The following STXBP4 variants were observed in gnomAD, a reference collection of about 807,000 sequenced individuals.
STXBP4 encodes the protein syntaxin binding protein 4.
A neutral mutation model predicts 76.1 loss-of-function variants in STXBP4; 55 were observed. That is an observed-to-expected ratio of 0.72 (90% confidence interval 0.58 to 0.91). The LOEUF (loss-of-function observed/expected upper bound fraction) is 0.91. Among genes scored for constraint, STXBP4 ranks in the 40% least tolerant of loss-of-function variants. The pLI is 0.00. For synonymous variants in STXBP4, 201 were observed against 220.2 expected (o/e 0.91, Z 0.77); for missense variants, 618 against 636.9 (o/e 0.97, Z 0.32).
intron 8 of STXBP4, among the ~76,000 whole-genome samples, chr17:55,020,595 A>G (rs953319802): frequency 2.0e-5 from 3 of 152,152 alleles, no homozygotes; most frequent in Admixed American, 1.3e-4. Context: ...AGGCAGGCGG[A>G]TCACTTGAGG....
At chr17:55,034,373 G>A (rs1402627349) in intron 10 of STXBP4, 114 bp downstream of exon 10, 3 of 591,796 alleles carry the variant, frequency 5.1e-6, no homozygotes, top group Non-Finnish European at 8.2e-6. Context: ...CATGTTTCTT[G>A]GATAAATATA....
chr17:55,040,428 A>G (rs1171204782), intron 10 of STXBP4, among the ~76,000 whole-genome samples: 2 of 152,294 alleles, frequency 1.3e-5, no homozygotes, highest in East Asian at 3.9e-4. Context: ...AAGGTAATTG[A>G]ATAGGTCTCT....
rs148542984 is a variant in STXBP4 at position 55,033,499 on chromosome 17, C to T, written c.764-669C>T. On this transcript the variant is annotated intron_variant, in intron 9 of 17. Coordinates refer to ENST00000376352, the MANE Select transcript of STXBP4 (RefSeq NM_178509.6). ...AAAGTAGGATATTGTAAAACAGGAA[C>T]AATCAGAGAATATTTAAAAGAATCC... 4.8e-3 allele frequency among the ~76,000 whole-genome samples: 723 copies of T among 152,210 alleles called. 6 individuals are homozygous for T. The highest frequency in any genetic ancestry group is 0.012 in the African/African-American group (515 of 41,552).
chr17:55,119,141 G>T (rs935518560), intron 16 of STXBP4, among the ~76,000 whole-genome samples: 4 of 151,668 alleles, frequency 2.6e-5, no homozygotes, highest in African/African-American at 4.8e-5. Flanking sequence ...ATCCATTCTC[G>T]CTATAAAGCA....
chr17:55,103,301 T>C (rs1404591115), intron 16 of STXBP4, among the ~76,000 whole-genome samples: 1 of 152,244 alleles, frequency 6.6e-6, no homozygotes, highest in Non-Finnish European at 1.5e-5. Context: ...TTGAATTAAT[T>C]TTTGTATAAG....
the STXBP4 span, among the ~76,000 whole-genome samples, chr17:55,190,812 G>T: frequency 6.6e-6 from 1 of 152,120 alleles, no homozygotes; most frequent in Non-Finnish European, 1.5e-5. Flanking sequence ...ATGTAATACA[G>T]TGATGCCCTC....
chr17:55,163,439 T>C lies in STXBP4; in HGVS notation c.*3528T>C, dbSNP rs2080354682. The C allele has an allele frequency of 6.6e-6, 1 of 152,226 alleles. No individual in the cohort carries two copies. The highest frequency in any genetic ancestry group is 1.5e-5 in the Non-Finnish European group (1 of 68,048). 9.4% of individuals were successfully genotyped at this position (152,226 alleles called of 1,614,324 possible). On this transcript the variant is annotated 3_prime_UTR_variant, in exon 18 of 18. Transcript: ENST00000376352. ...ATGGTTGCGAGGACCAACTTTCAAA[T>C]GAGCTAACTTGGGTGAGACGTTCAC...
intron 12 of STXBP4, among the ~76,000 whole-genome samples, chr17:55,071,956 T>C (rs955842269): frequency 6.6e-6 from 1 of 152,216 alleles, no homozygotes; most frequent in Non-Finnish European, 1.5e-5. Context: ...TAAATTATAT[T>C]GGTGTCCTGG....
At chr17:55,073,156 C>T in intron 13 of STXBP4, 80 bp downstream of exon 13, 2 of 1,325,146 alleles carry the variant, frequency 1.5e-6, no homozygotes, top group Non-Finnish European at 2.1e-6. Flanking sequence ...TTCTTTTCAT[C>T]TGCACTTCTA....
intron 8 of STXBP4, among the ~76,000 whole-genome samples, chr17:55,021,990 T>C (rs1429958921): frequency 6.6e-6 from 1 of 152,108 alleles, no homozygotes; most frequent in Non-Finnish European, 1.5e-5. Flanking sequence ...AGTGGCATTG[T>C]TTATATTAGT....
rs1479617682 is a variant in STXBP4 at position 55,081,138 on chromosome 17, T to C, written c.1444T>C (p.Ser482Pro). The C allele has an allele frequency of 7.7e-6, 12 of 1,548,950 alleles. No individual in the cohort carries two copies. Among genetic ancestry groups the C allele is most frequent in the Non-Finnish European group, 1.0e-5 (12 of 1,152,720 alleles). The change falls in exon 16 of 18, where the codon TCT becomes CCT. Residue 482 changes from serine to proline, a missense_variant. Transcript: ENST00000376352. The stretch of plus-strand genomic sequence containing the variant: ...CATCCCAGCAACGCTGGCGCTTGAA[T>C]CTAAGGAACTTGTTAAATCTGTTCG... ...RSIPATLALE[S>P]KELVKSVRAL...
intron 1 of STXBP4, among the ~76,000 whole-genome samples, chr17:54,975,758 C>T (rs2077464728): frequency 6.6e-6 from 1 of 152,114 alleles, no homozygotes; most frequent in Admixed American, 6.5e-5. Flanking sequence ...TATCTCCTAC[C>T]ACTCTCTCCC....
At chr17:55,198,308 A>G in the STXBP4 span, among the ~76,000 whole-genome samples, 3 of 152,298 alleles carry the variant, frequency 2.0e-5, no homozygotes, top group East Asian at 1.9e-4. Context: ...AGGTGTGGAA[A>G]GTTGGGGTTT....
the STXBP4 span, among the ~76,000 whole-genome samples, chr17:55,210,922 C>T: frequency 6.6e-6 from 1 of 152,140 alleles, no homozygotes; most frequent in South Asian, 2.1e-4. Flanking sequence ...AGTTCCCTTT[C>T]GTTGTTTGTA....
chr17:54,971,084 C>T (rs999113025), intron 1 of STXBP4, among the ~76,000 whole-genome samples: 14 of 152,124 alleles, frequency 9.2e-5, no homozygotes, highest in Non-Finnish European at 1.8e-4. Context: ...AATATTTCTG[C>T]AACATAATAG....
chr17:55,057,674 G>A (rs1282118558), intron 12 of STXBP4, among the ~76,000 whole-genome samples: 1 of 152,062 alleles, frequency 6.6e-6, no homozygotes, highest in Non-Finnish European at 1.5e-5. Context: ...CTTGCATGCA[G>A]TAGGTATTAT....
At chr17:55,098,009 A>G (rs2079514927) in intron 16 of STXBP4, among the ~76,000 whole-genome samples, 1 of 152,146 alleles carries the variant, frequency 6.6e-6, no homozygotes, top group Non-Finnish European at 1.5e-5. Context: ...CACCATTATC[A>G]TCATCATCAT....
intron 16 of STXBP4, among the ~76,000 whole-genome samples, chr17:55,132,903 T>C (rs1275701333): frequency 6.6e-6 from 1 of 152,132 alleles, no homozygotes; most frequent in East Asian, 1.9e-4. Flanking sequence ...GGCTAGCAAG[T>C]GCAAAGGCCC....
chr17:55,137,139 GA>G lies in STXBP4; in HGVS notation c.1490-4169del. ...TCCCACGGTTATTCAACTTGCAATT[GA>G]AGAACATTACATATGGATTCAGATT... On this transcript the variant is annotated intron_variant, in intron 16 of 17. Transcript: ENST00000376352. 2.0e-5 allele frequency among the ~76,000 whole-genome samples: 3 copies of G among 152,184 alleles called. No individual in the cohort carries two copies. In the East Asian group the frequency reaches 5.8e-4, roughly 29 times the overall value.
Sources: gnomAD v4.1 joint callset for allele counts (sites outside exome capture counted in the v4.1 genomes callset) on GRCh38, gnomAD v4.1.1 for gene constraint, MANE v1.5 for transcripts, NCBI Gene and HGNC (gene_info 2026-07-23, HGNC 2026-07-21) for gene names.